The following TMTC1 variants were observed in gnomAD, a reference collection of about 807,000 sequenced individuals.
TMTC1 encodes transmembrane O-mannosyltransferase targeting cadherins 1, also known as protein O-mannosyl-transferase TMTC1.
In TMTC1, 73 loss-of-function variants were observed where a neutral mutation model predicts 104.8. The observed-to-expected ratio is 0.70, with a 90% CI of 0.58 to 0.85. The LOEUF is 0.85. Ranked by LOEUF, TMTC1 falls within the 40% of genes least tolerant of loss-of-function variation. The pLI is 0.00. For missense variants in TMTC1, 1,035 were observed against 1,096.1 expected, an observed-to-expected ratio of 0.94 and a Z score of 0.79; for synonymous variants, 434 against 428.7, an observed-to-expected ratio of 1.01 and a Z score of -0.15.
intron 5 of TMTC1, among the ~76,000 whole-genome samples, chr12:29,714,556 T>C (rs149416062): frequency 2.0e-5 from 3 of 152,368 alleles, no homozygotes; most frequent in African/African-American, 4.8e-5. Flanking sequence ...GCTTGTGCAC[T>C]GTCAGGGCAA....
intron 2 of TMTC1, among the ~76,000 whole-genome samples, chr12:29,759,677 A>G (rs1306912089): frequency 6.6e-6 from 1 of 152,150 alleles, no homozygotes; most frequent in African/African-American, 2.4e-5. Context: ...TCCCCACGAA[A>G]GAGAACACCA....
At chr12:29,589,314 T>C (rs1372519157) in intron 7 of TMTC1, among the ~76,000 whole-genome samples, 2 of 152,248 alleles carry the variant, frequency 1.3e-5, no homozygotes, top group East Asian at 1.9e-4. Flanking sequence ...TGTTCCTTTC[T>C]TCCAGGCATG....
At chr12:29,760,357 T>C (rs1296312179) in intron 2 of TMTC1, among the ~76,000 whole-genome samples, 2 of 152,028 alleles carry the variant, frequency 1.3e-5, no homozygotes, top group African/African-American at 4.8e-5. Context: ...AGCAGAGGAG[T>C]TGGGAAATAA....
chr12:29,697,140 T>A (rs771651359), intron 5 of TMTC1, among the ~76,000 whole-genome samples: 4 of 152,168 alleles, frequency 2.6e-5, no homozygotes, highest in African/African-American at 9.6e-5. Context: ...GTCAAGTGAA[T>A]GAAGGAAAAA....
intron 5 of TMTC1, among the ~76,000 whole-genome samples, chr12:29,678,727 T>C: frequency 6.7e-6 from 1 of 150,356 alleles, no homozygotes; most frequent in South Asian, 2.2e-4. Context: ...AAATTCATCT[T>C]TTGGAAACAA....
chr12:29,643,620 TC>T (rs1411907387), intron 5 of TMTC1, among the ~76,000 whole-genome samples: 12 of 37,618 alleles, frequency 3.2e-4, no homozygotes, highest in African/African-American at 1.1e-3. Context: ...ATAATATATA[TC>T]TATATATTAT....
At chr12:29,583,607 T>G (rs559307765) in intron 7 of TMTC1, 33 bp from the exon 8 acceptor site, 42 of 1,595,468 alleles carry the variant, frequency 2.6e-5, no homozygotes, top group Admixed American at 1.6e-4. Context: ...CGGGATTACT[T>G]TGGGGGTGCA....
intron 5 of TMTC1, among the ~76,000 whole-genome samples, chr12:29,642,789 G>C (rs952356911): frequency 2.6e-5 from 4 of 152,026 alleles, no homozygotes; most frequent in Admixed American, 1.3e-4. Context: ...GCCGGGCGTG[G>C]TGGCGGGCGC....
intron 5 of TMTC1, among the ~76,000 whole-genome samples, chr12:29,681,174 T>G (rs1397678952): frequency 3.3e-5 from 5 of 149,826 alleles, no homozygotes; most frequent in African/African-American, 1.2e-4. Flanking sequence ...TGAAGTCATA[T>G]AAAGTAACTT....
chr12:29,776,845 T>G (rs983115166), intron 1 of TMTC1, among the ~76,000 whole-genome samples: 1 of 152,136 alleles, frequency 6.6e-6, no homozygotes, highest in Non-Finnish European at 1.5e-5. Flanking sequence ...TGCACAGATC[T>G]GGGGAAAAGC....
intron 5 of TMTC1, chr12:29,659,753 T>C: frequency 1.6e-6 from 1 of 643,274 alleles, no homozygotes; most frequent in Non-Finnish European, 2.6e-6. Flanking sequence ...ATTTCAAATG[T>C]ATAGTTTCTT....
At chr12:29,763,408 T>C (rs1943396143) in intron 2 of TMTC1, among the ~76,000 whole-genome samples, 2 of 152,232 alleles carry the variant, frequency 1.3e-5, no homozygotes, top group African/African-American at 4.8e-5. Context: ...CTACTGTATG[T>C]CTAGACCAGC....
At chr12:29,591,136 T>C (rs1187464736) in intron 7 of TMTC1, among the ~76,000 whole-genome samples, 1 of 152,192 alleles carries the variant, frequency 6.6e-6, no homozygotes, top group Non-Finnish European at 1.5e-5. Flanking sequence ...GGTTTGCAAA[T>C]TTCTTAGAGA....
intron 5 of TMTC1, among the ~76,000 whole-genome samples, chr12:29,748,529 A>T (rs1048097303): frequency 6.6e-6 from 1 of 152,228 alleles, no homozygotes; most frequent in Non-Finnish European, 1.5e-5. Flanking sequence ...CTGGGTTCCA[A>T]TCCTGACCCT....
At chr12:29,552,643 C>T (rs1481702612) in intron 10 of TMTC1, among the ~76,000 whole-genome samples, 3 of 152,130 alleles carry the variant, frequency 2.0e-5, no homozygotes, top group Non-Finnish European at 2.9e-5. Context: ...TTATTTTCTC[C>T]AAATCTTAGT....
At chr12:29,759,892 G>A (rs1040566346) in intron 2 of TMTC1, among the ~76,000 whole-genome samples, 3 of 152,088 alleles carry the variant, frequency 2.0e-5, no homozygotes, top group African/African-American at 7.2e-5. Context: ...ATAAACCATT[G>A]AAAATGAAAT....
At chr12:29,604,873 G>A (rs1272915137) in intron 6 of TMTC1, among the ~76,000 whole-genome samples, 1 of 152,070 alleles carries the variant, frequency 6.6e-6, no homozygotes, top group Admixed American at 6.5e-5. Flanking sequence ...GCTGGCAAGC[G>A]AGTATTTACT....
chr12:29,709,546 T>A (rs1411222362), intron 5 of TMTC1, among the ~76,000 whole-genome samples: 1 of 151,928 alleles, frequency 6.6e-6, no homozygotes, highest in Admixed American at 6.6e-5. Flanking sequence ...TACAAGTACA[T>A]TCAGATAAAA....
intron 17 of TMTC1, among the ~76,000 whole-genome samples, chr12:29,507,417 T>C (rs1185744822): frequency 2.0e-5 from 3 of 152,184 alleles, no homozygotes; most frequent in Admixed American, 6.5e-5. Flanking sequence ...AATGATTAAA[T>C]AGTTTATGTA....
Sources: allele counts gnomAD v4.1 joint callset (sites outside exome capture counted in the v4.1 genomes callset), GRCh38; gene constraint gnomAD v4.1.1; transcripts MANE v1.5; gene names NCBI Gene and HGNC (gene_info 2026-07-23, HGNC 2026-07-21).